Variants in SLC24A2 observed in about 807,000 individuals in gnomAD.
The protein encoded by SLC24A2 is solute carrier family 24 member 2, also known as sodium/potassium/calcium exchanger 2.
A neutral mutation model predicts 62.0 loss-of-function variants in SLC24A2; 36 were observed. The observed-to-expected ratio is 0.58, with a 90% CI of 0.44 to 0.77. The LOEUF (loss-of-function observed/expected upper bound fraction) is 0.77, where lower values mean the gene tolerates loss of function less well. SLC24A2 is among the 30% of genes least tolerant of loss of function. The pLI is 0.00. For synonymous variants in SLC24A2, 358 were observed against 294.0 expected, an observed-to-expected ratio of 1.22 and a Z score of -2.23; for missense variants, 846 against 817.9, an observed-to-expected ratio of 1.03 and a Z score of -0.42.
the SLC24A2 span, among the ~76,000 whole-genome samples, chr9:20,153,501 C>G: frequency 1.3e-5 from 2 of 151,854 alleles, no homozygotes; most frequent in African/African-American, 2.4e-5. Flanking sequence ...TTTCTCTGAC[C>G]TAGGTACCTC....
At chr9:20,166,634 T>G in the SLC24A2 span, among the ~76,000 whole-genome samples, 5 of 151,948 alleles carry the variant, frequency 3.3e-5, no homozygotes, top group African/African-American at 1.2e-4. Context: ...CACAGTAAGT[T>G]TAAGCCAGAA....
chr9:19,789,681 C>T (rs776089100), upstream of SLC24A2, among the ~76,000 whole-genome samples: 10 of 152,274 alleles, frequency 6.6e-5, no homozygotes, highest in South Asian at 2.1e-4. Context: ...TCCCCTTGAC[C>T]ACAAGAAATA....
the SLC24A2 span, among the ~76,000 whole-genome samples, chr9:19,794,644 G>A: frequency 6.6e-6 from 1 of 151,782 alleles, no homozygotes; most frequent in Admixed American, 6.6e-5. Context: ...CAGAAGTGGG[G>A]TCTGTCCATT....
At chr9:20,160,183 T>C in the SLC24A2 span, among the ~76,000 whole-genome samples, 3 of 151,344 alleles carry the variant, frequency 2.0e-5, no homozygotes, top group Non-Finnish European at 4.4e-5. Context: ...AAAATGCATT[T>C]TTAAAGGAAG....
the SLC24A2 span, among the ~76,000 whole-genome samples, chr9:20,164,191 A>C: frequency 2.0e-5 from 3 of 152,154 alleles, no homozygotes. Context: ...CCGAGTGAAC[A>C]GGCAACCTAC....
At chr9:20,229,178 C>G in the SLC24A2 span, among the ~76,000 whole-genome samples, 1 of 152,284 alleles carries the variant, frequency 6.6e-6, no homozygotes, top group Non-Finnish European at 1.5e-5. Context: ...TGATGGAGAG[C>G]TCATTTCCTC....
chr9:20,051,894 G>C, the SLC24A2 span, among the ~76,000 whole-genome samples: 1 of 151,596 alleles, frequency 6.6e-6, no homozygotes, highest in Non-Finnish European at 1.5e-5. Flanking sequence ...TCTCTGGGCT[G>C]GTTTAGTCTT....
chr9:19,921,031 T>C, the SLC24A2 span, among the ~76,000 whole-genome samples: 3 of 144,240 alleles, frequency 2.1e-5, no homozygotes, highest in Non-Finnish European at 4.6e-5. Context: ...GTAACAAGTT[T>C]AGAATAATGT....
At chr9:19,571,859 T>C (rs953982842) in intron 7 of SLC24A2, among the ~76,000 whole-genome samples, 3 of 151,552 alleles carry the variant, frequency 2.0e-5, no homozygotes, top group Non-Finnish European at 2.9e-5. Context: ...CTAGAGAGAG[T>C]GGTGGAAATT....
At chr9:19,819,346 C>T in the SLC24A2 span, among the ~76,000 whole-genome samples, 1 of 151,978 alleles carries the variant, frequency 6.6e-6, no homozygotes, top group Non-Finnish European at 1.5e-5. Flanking sequence ...AAGATAATAG[C>T]TGGGACCTAA....
the SLC24A2 span, among the ~76,000 whole-genome samples, chr9:20,236,164 C>A: frequency 6.6e-6 from 1 of 152,170 alleles, no homozygotes; most frequent in Non-Finnish European, 1.5e-5. Context: ...TAGGGTAACA[C>A]GTGTCTCTGT....
chr9:19,574,481 AT>A (rs1287794510), intron 6 of SLC24A2, among the ~76,000 whole-genome samples: 4 of 152,182 alleles, frequency 2.6e-5, no homozygotes, highest in African/African-American at 9.7e-5. Context: ...CCTCTCTGAA[AT>A]TCAGCTTCTT....
At chr9:20,028,631 G>A in the SLC24A2 span, among the ~76,000 whole-genome samples, 3 of 152,032 alleles carry the variant, frequency 2.0e-5, no homozygotes, top group African/African-American at 4.8e-5. Flanking sequence ...CATTCTGCTC[G>A]GGCTTCTGCC....
the SLC24A2 span, among the ~76,000 whole-genome samples, chr9:20,063,223 C>G: frequency 6.6e-6 from 1 of 151,224 alleles, no homozygotes; most frequent in Admixed American, 6.6e-5. Flanking sequence ...TTCACGATAG[C>G]AAAGACTTGG....
chr9:20,302,998 CTGATA>C, the SLC24A2 span, among the ~76,000 whole-genome samples: 1 of 152,148 alleles, frequency 6.6e-6, no homozygotes, highest in African/African-American at 2.4e-5. Flanking sequence ...GTTAGAGTAT[CTGATA>C]TATTTTGCTA....
chr9:19,836,631 C>T, the SLC24A2 span, among the ~76,000 whole-genome samples: 4 of 152,158 alleles, frequency 2.6e-5, no homozygotes, highest in Non-Finnish European at 5.9e-5. Context: ...GGATTCACAG[C>T]CGAATTCTAC....
chr9:20,023,283 G>T, the SLC24A2 span, among the ~76,000 whole-genome samples: 1 of 152,218 alleles, frequency 6.6e-6, no homozygotes, highest in Non-Finnish European at 1.5e-5. Context: ...TCAATACACA[G>T]AGGATGGGCT....
At chr9:19,965,613 C>T in the SLC24A2 span, among the ~76,000 whole-genome samples, 1 of 152,220 alleles carries the variant, frequency 6.6e-6, no homozygotes, top group South Asian at 2.1e-4. Flanking sequence ...ATTGATTTAA[C>T]CTGTTTTGTC....
the SLC24A2 span, among the ~76,000 whole-genome samples, chr9:20,201,562 G>T: frequency 6.6e-6 from 1 of 152,190 alleles, no homozygotes; most frequent in Non-Finnish European, 1.5e-5. Flanking sequence ...TTACAACCTG[G>T]AAGAGGTGAC....
Sources: allele counts gnomAD v4.1 joint callset (sites outside exome capture counted in the v4.1 genomes callset), GRCh38; gene constraint gnomAD v4.1.1; transcripts MANE v1.5; gene names NCBI Gene and HGNC (gene_info 2026-07-23, HGNC 2026-07-21).